KANK1: variants seen among roughly 807,000 people sequenced by gnomAD.
KANK1 encodes KN motif and ankyrin repeat domain-containing protein 1.
In KANK1, 109 loss-of-function variants were observed where a neutral mutation model predicts 106.2. The ratio of observed to expected loss-of-function variants is 1.03; its 90% CI spans 0.88 to 1.20. The LOEUF is 1.20. KANK1 is among the 50% of genes most tolerant of loss of function. The pLI is 0.00. For missense variants in KANK1, 2,399 were observed against 1,710.7 expected (o/e 1.40, Z -7.10); for synonymous variants, 873 against 652.2 (o/e 1.34, Z -5.16).
chr9:640,247 A>T (rs1838101657), intron 1 of KANK1, among the ~76,000 whole-genome samples: 1 of 151,798 alleles, frequency 6.6e-6, no homozygotes, highest in Non-Finnish European at 1.5e-5. Flanking sequence ...TTTTTATTTT[A>T]TTTTATATTT....
chr9:638,463 A>C (rs1563907941), intron 1 of KANK1, among the ~76,000 whole-genome samples: 1 of 152,122 alleles, frequency 6.6e-6, no homozygotes, highest in Non-Finnish European at 1.5e-5. Flanking sequence ...TGTCAGAGAG[A>C]TTGTTTGTTT....
At chr9:636,997 T>C (rs765213951) in intron 1 of KANK1, among the ~76,000 whole-genome samples, 7 of 152,248 alleles carry the variant, frequency 4.6e-5, no homozygotes, top group Non-Finnish European at 1.0e-4. Context: ...CAAAACTTTG[T>C]TTATACCTTT....
chr9:542,254 C>G (rs61029105), intron 1 of KANK1, among the ~76,000 whole-genome samples: 70 of 152,324 alleles, frequency 4.6e-4, no homozygotes, highest in African/African-American at 1.7e-3. Context: ...AATCCCAGCA[C>G]TTTGGGAGGC....
At chr9:645,126 C>CAAAAAAAA (rs56391632) in intron 1 of KANK1, among the ~76,000 whole-genome samples, 7 of 71,092 alleles carry the variant, frequency 9.8e-5, no homozygotes, top group Admixed American at 1.9e-4. Context: ...TCCATCTCTA[C>CAAAAAAAA]AAAAAAAAAA....
chr9:527,549 C>T (rs935323338), intron 1 of KANK1, among the ~76,000 whole-genome samples: 3 of 151,600 alleles, frequency 2.0e-5, no homozygotes, highest in Non-Finnish European at 2.9e-5. Flanking sequence ...GATCTGCCCA[C>T]CTCTGCCTCG....
chr9:670,905 G>A (rs1343259655), intron 1 of KANK1, among the ~76,000 whole-genome samples: 3 of 150,826 alleles, frequency 2.0e-5, no homozygotes, highest in Non-Finnish European at 4.4e-5. Flanking sequence ...TTGGGGGAAG[G>A]GTGTCACAGA....
At chr9:643,009 ACCTT>A (rs893516240) in intron 1 of KANK1, among the ~76,000 whole-genome samples, 7 of 150,650 alleles carry the variant, frequency 4.6e-5, no homozygotes, top group African/African-American at 1.7e-4. Flanking sequence ...ATATGGTGGC[ACCTT>A]TTAATAAAAA....
intron 1 of KANK1, among the ~76,000 whole-genome samples, chr9:506,110 T>C (rs1319308815): frequency 6.6e-6 from 1 of 152,252 alleles, no homozygotes; most frequent in Non-Finnish European, 1.5e-5. Context: ...CACTACCATC[T>C]GATTCCATTT....
rs953508053 is a variant in KANK1, at chr9:625,706, C to G, written c.-83-51184C>G. Reference sequence around the variant, plus strand: ...AAACATTCTGAAAGACTTAATCAAACAAGTATTCAGAATAAAATGAATGGG... The same window carrying G: ...AAACATTCTGAAAGACTTAATCAAAGAAGTATTCAGAATAAAATGAATGGG... On this transcript the variant is annotated intron_variant, in intron 1 of 11. Coordinates refer to ENST00000382297, the MANE Select transcript of KANK1 (RefSeq NM_015158.5). Among the ~76,000 whole-genome samples, 6 of 152,138 alleles carry G rather than the reference C, an allele frequency of 3.9e-5. No individual in the cohort carries two copies. In the East Asian group the frequency reaches 9.6e-4, roughly 24 times the overall value.
intron 6 of KANK1, chr9:734,545 A>C (rs1468202495): frequency 8.9e-6 from 4 of 449,088 alleles, no homozygotes; most frequent in Non-Finnish European, 4.1e-6. Flanking sequence ...GCACACCTGT[A>C]GTCCCAGCTA....
intron 1 of KANK1, among the ~76,000 whole-genome samples, chr9:542,843 A>G (rs1037757172): frequency 9.1e-6 from 1 of 109,752 alleles, no homozygotes; most frequent in Non-Finnish European, 1.6e-5. Flanking sequence ...CAAGAAAGTC[A>G]AACTCTCACA....
At chr9:516,629 C>G (rs898108689) in intron 1 of KANK1, among the ~76,000 whole-genome samples, 2 of 151,280 alleles carry the variant, frequency 1.3e-5, no homozygotes, top group African/African-American at 2.5e-5. Flanking sequence ...AATGTGGGTG[C>G]GAAGTGCAGT....
chr9:518,660 T>C (rs1008308512), intron 1 of KANK1, among the ~76,000 whole-genome samples: 4 of 151,622 alleles, frequency 2.6e-5, no homozygotes, highest in African/African-American at 9.8e-5. Context: ...ACCTAGGATG[T>C]AGTATTTCCT....
In KANK1 at chr9:550,460, C is replaced by G. The variant is rs190717252; in HGVS notation, c.-84+45706C>G. Reference sequence around the variant, plus strand: ...ACAGATAAGGTATCTTATCAAAACACCACGCCAGGTGGCGTGGCTCACAGC... The same window carrying G: ...ACAGATAAGGTATCTTATCAAAACAGCACGCCAGGTGGCGTGGCTCACAGC... On this transcript the variant is annotated intron_variant, in intron 1 of 11. Coordinates refer to ENST00000382297, the MANE Select transcript of KANK1 (RefSeq NM_015158.5). Among the ~76,000 whole-genome samples, 780 of 152,274 alleles carry G rather than the reference C, an allele frequency of 5.1e-3. 5 individuals carry two copies. Among genetic ancestry groups the G allele is most frequent in the African/African-American group, 0.018 (746 of 41,548 alleles).
intron 1 of KANK1, among the ~76,000 whole-genome samples, chr9:551,513 C>T (rs2061280404): frequency 1.3e-5 from 2 of 152,144 alleles, no homozygotes; most frequent in Admixed American, 1.3e-4. Context: ...GTGAACCCAA[C>T]TGATCTGAAA....
intron 1 of KANK1, among the ~76,000 whole-genome samples, chr9:541,886 G>A (rs1416394317): frequency 2.0e-5 from 3 of 150,234 alleles, no homozygotes; most frequent in East Asian, 2.1e-4. Flanking sequence ...TCAGGAGATC[G>A]AGACCATCCT....
intron 1 of KANK1, among the ~76,000 whole-genome samples, chr9:595,832 A>T (rs1826077262): frequency 6.6e-6 from 1 of 151,906 alleles, no homozygotes; most frequent in Non-Finnish European, 1.5e-5. Flanking sequence ...TCATGAGAAG[A>T]TTTATGATGA....
chr9:493,061 T>C (rs2058403746), intron 3 of KANK1, among the ~76,000 whole-genome samples: 1 of 150,278 alleles, frequency 6.7e-6, no homozygotes, highest in Admixed American at 6.6e-5. Flanking sequence ...GAAAACCAGC[T>C]GTGGCCTGGT....
intron 1 of KANK1, among the ~76,000 whole-genome samples, chr9:610,738 G>A (rs899254735): frequency 6.6e-5 from 10 of 152,130 alleles, no homozygotes; most frequent in Admixed American, 1.3e-4. Flanking sequence ...TGGAAAGCTC[G>A]GAGGGTTAGT....
Sources: gnomAD v4.1 joint callset for allele counts (sites outside exome capture counted in the v4.1 genomes callset) on GRCh38, gnomAD v4.1.1 for gene constraint, MANE v1.5 for transcripts, NCBI Gene and HGNC (gene_info 2026-07-23, HGNC 2026-07-21) for gene names.